NLRC5: variants seen among roughly 807,000 people sequenced by gnomAD.
NLRC5 encodes protein NLRC5.
In NLRC5, 114 loss-of-function variants were observed where a neutral mutation model predicts 206.9. The observed-to-expected ratio is 0.55, with a 90% CI of 0.47 to 0.64. NLRC5 has a LOEUF of 0.64. Among genes scored for constraint, NLRC5 ranks in the 30% least tolerant of loss-of-function variants. The pLI is 0.00. For synonymous variants in NLRC5, 952 were observed against 962.8 expected (o/e 0.99, Z 0.21); for missense variants, 2,008 against 2,305.5 (o/e 0.87, Z 2.64).
chr16:57,044,136 T>TA (rs1454698708), intron 20 of NLRC5, among the ~76,000 whole-genome samples: 9 of 111,054 alleles, frequency 8.1e-5, no homozygotes, highest in African/African-American at 3.5e-4. Flanking sequence ...CTGTCTCTGC[T>TA]AAAAATACCA....
intron 30 of NLRC5, among the ~76,000 whole-genome samples, chr16:57,059,863 C>G (rs1275265141): frequency 1.3e-5 from 2 of 152,114 alleles, no homozygotes; most frequent in Non-Finnish European, 2.9e-5. Context: ...AAATAAATCC[C>G]TGATCTGCCA....
intron 1 of NLRC5, among the ~76,000 whole-genome samples, chr16:57,005,179 C>T (rs1204519550): frequency 6.6e-6 from 1 of 152,150 alleles, no homozygotes; most frequent in Admixed American, 6.5e-5. Flanking sequence ...TTTCTCTGTT[C>T]CGTTTGCAGT....
intron 2 of NLRC5, among the ~76,000 whole-genome samples, chr16:57,018,973 A>G (rs2060373890): frequency 6.6e-6 from 1 of 152,226 alleles, no homozygotes; most frequent in Non-Finnish European, 1.5e-5. Flanking sequence ...ATATACGTTC[A>G]TGATCGTTTG....
At chr16:57,033,081 G>A (rs28427087) in intron 11 of NLRC5, among the ~76,000 whole-genome samples, 2,474 of 151,962 alleles carry the variant, frequency 0.016, 66 homozygotes, top group African/African-American at 0.057. Flanking sequence ...ATCCCCTAAC[G>A]CTCCCTCAGC....
chr16:57,057,623 G>A lies in NLRC5; in HGVS notation c.3747-442G>A, dbSNP rs116228845. Among the ~76,000 whole-genome samples the A allele has an allele frequency of 4.3e-3, 654 of 152,300 alleles. 11 individuals are homozygous for A. The highest frequency in any genetic ancestry group is 0.015 in the African/African-American group (616 of 41,550). On this transcript the variant is annotated intron_variant, in intron 27 of 48. Coordinates refer to ENST00000688547, the MANE Select transcript of NLRC5 (RefSeq NM_001384950.1). ...ATCCCAAATGATGCCGGCCAAGGGC[G>A]TGGTGAAGGCAAATTGGTTTTTCTT...
rs201348157 is a variant in NLRC5 at position 57,055,130 on chromosome 16, G to C, written c.3659+36G>C. The C allele has an allele frequency of 1.7e-3, 2,806 of 1,610,788 alleles. 5 individuals are homozygous for C. Among genetic ancestry groups the C allele is most frequent in the Non-Finnish European group, 2.2e-3 (2,627 of 1,177,136 alleles). ...TTGAACCATGCCTAGGCAGCTAGTTGATGTTGGGGACCAGTAGATCTGCCT... is the reference window on the plus strand; with the variant it reads ...TTGAACCATGCCTAGGCAGCTAGTTCATGTTGGGGACCAGTAGATCTGCCT... On this transcript the variant is annotated intron_variant, in intron 26 of 48. Coordinates refer to ENST00000688547, the MANE Select transcript of NLRC5 (RefSeq NM_001384950.1).
chr16:56,997,060 C>T (rs1487833236), intron 1 of NLRC5, among the ~76,000 whole-genome samples: 2 of 152,106 alleles, frequency 1.3e-5, no homozygotes, highest in African/African-American at 2.4e-5. Flanking sequence ...TTTGTAAAGA[C>T]AGATTTTCAC....
rs531647742 is a variant in NLRC5, at chr16:57,069,733, G to A, written c.4500-103G>A. 1.5e-5 allele frequency: 13 copies of A among 889,298 alleles called. 1 individual carries two copies. The highest frequency in any genetic ancestry group is 9.9e-5 in the South Asian group (7 of 70,642). 55.1% of individuals were successfully genotyped at this position (889,298 alleles called of 1,614,324 possible). On this transcript the variant is annotated intron_variant, in intron 36 of 48. Transcript: ENST00000688547. ...GGAAGGAGGTCTCCTCACATTGCCCGCCACATCCCTACCCCACATCCTTGC... is the reference window on the plus strand; with the variant it reads ...GGAAGGAGGTCTCCTCACATTGCCCACCACATCCCTACCCCACATCCTTGC...
At position 57,079,187 on chromosome 16, in the gene NLRC5, G is replaced by A. The variant is rs377638623; in HGVS notation, c.5166-34G>A. ...GGGGACAGTCCTGGGCGGGTCTGGG[G>A]GTTCCTCTCACAGGTATCTCCCCTA... On this transcript the variant is annotated intron_variant, in intron 44 of 48. Transcript: ENST00000688547. 1.1e-5 allele frequency: 17 copies of A among 1,613,812 alleles called. No individual in the cohort carries two copies. The African/African-American group carries it at 1.9e-4, about 18-fold the overall frequency.
intron 11 of NLRC5, among the ~76,000 whole-genome samples, chr16:57,032,065 CTT>C (rs1236025288): frequency 6.6e-6 from 1 of 152,118 alleles, no homozygotes; most frequent in African/African-American, 2.4e-5. Flanking sequence ...TGAGCAATCT[CTT>C]TCCCTTCTCT....
At chr16:57,064,472 C>G (rs1302273761) in intron 32 of NLRC5, among the ~76,000 whole-genome samples, 1 of 152,182 alleles carries the variant, frequency 6.6e-6, no homozygotes, top group African/African-American at 2.4e-5. Context: ...AATATATTTT[C>G]CTATGTTTTC....
intron 20 of NLRC5, 152 bp from the exon 21 acceptor site, chr16:57,045,296 G>A: frequency 1.5e-6 from 1 of 647,822 alleles, no homozygotes; most frequent in South Asian, 1.8e-5. Flanking sequence ...CATGTGACTT[G>A]ATACATGTAA....
At chr16:57,070,456 A>G in intron 37 of NLRC5, 79 bp from the exon 38 acceptor site, 3 of 1,268,718 alleles carry the variant, frequency 2.4e-6, no homozygotes, top group Non-Finnish European at 3.4e-6. Flanking sequence ...ACAGAGCAGG[A>G]GAGGGGAGCT....
intron 1 of NLRC5, among the ~76,000 whole-genome samples, chr16:56,991,620 G>T (rs2056870227): frequency 6.7e-6 from 1 of 148,880 alleles, no homozygotes; most frequent in Non-Finnish European, 1.5e-5. Flanking sequence ...AACCTCAGAT[G>T]ATCCACCCGC....
intron 11 of NLRC5, 107 bp from the exon 12 acceptor site, chr16:57,033,497 T>G: frequency 2.0e-6 from 2 of 990,664 alleles, no homozygotes; most frequent in South Asian, 2.6e-5. Context: ...CGACTCACTT[T>G]GGGTTGTGCT....
intron 1 of NLRC5, among the ~76,000 whole-genome samples, chr16:56,994,901 G>A (rs142087905): frequency 2.0e-4 from 31 of 152,274 alleles, no homozygotes; most frequent in African/African-American, 3.4e-4. Flanking sequence ...TGGGCTGGGC[G>A]CAGTGGCTCA....
intron 39 of NLRC5, 95 bp from the exon 40 acceptor site, chr16:57,076,724 G>T: frequency 8.6e-7 from 1 of 1,169,524 alleles, no homozygotes; most frequent in Non-Finnish European, 1.3e-6. Flanking sequence ...ATTCCTGGGC[G>T]TGTAAGGCTT....
chr16:57,037,043 G>A (rs76752807), intron 14 of NLRC5, 152 bp from the exon 15 acceptor site: 17,249 of 666,752 alleles, frequency 0.026, 1,051 homozygotes, highest in East Asian at 0.14. Flanking sequence ...TTACTCACAC[G>A]CACCAGAATC....
rs1296507333 is a variant in NLRC5 at position 57,081,706 on chromosome 16, C to G, written c.5489+96C>G. On this transcript the variant is annotated intron_variant, in intron 48 of 48. Transcript: ENST00000688547. ...CCTGGAGGAGGCGGCAGGGCCTGGG[C>G]TGGGGATTATCAAAGGAGACTTGGA... 13 of 1,070,980 alleles carry G rather than the reference C, an allele frequency of 1.2e-5. No individual in the cohort carries two copies. In the East Asian group the frequency reaches 3.1e-4, roughly 26 times the overall value. The allele number at this position is 1,070,980 out of a possible 1,614,324, so 66.3% of individuals were successfully genotyped here. A position where few individuals can be genotyped will look rare whatever the true frequency, so the allele number is the denominator to read the frequency against.
Sources: allele counts gnomAD v4.1 joint callset (sites outside exome capture counted in the v4.1 genomes callset), GRCh38; gene constraint gnomAD v4.1.1; transcripts MANE v1.5; gene names NCBI Gene and HGNC (gene_info 2026-07-23, HGNC 2026-07-21).